The following ERC1 variants were observed in gnomAD, a reference collection of about 807,000 sequenced individuals.
The protein encoded by ERC1 is RAB6 interacting protein 2.
In ERC1, 56 loss-of-function variants were observed where a neutral mutation model predicts 132.0. The observed-to-expected ratio is 0.42, with a 90% CI of 0.34 to 0.53. The LOEUF is 0.53. Ranked by LOEUF, ERC1 falls within the 20% of genes least tolerant of loss-of-function variation. ERC1 has a pLI of 0.03. For synonymous variants in ERC1, 478 were observed against 476.1 expected (o/e 1.00, Z -0.05); for missense variants, 1,202 against 1,349.9 (o/e 0.89, Z 1.72).
chr12:1,267,396 G>A (rs1292581930), intron 14 of ERC1, among the ~76,000 whole-genome samples: 1 of 152,220 alleles, frequency 6.6e-6, no homozygotes, highest in African/African-American at 2.4e-5. Flanking sequence ...GGAGCAGTAT[G>A]CTTAGTTCAG....
intron 7 of ERC1, 70 bp from the exon 8 acceptor site, chr12:1,141,545 TATAAC>T: frequency 7.9e-7 from 1 of 1,261,394 alleles, no homozygotes; most frequent in Non-Finnish European, 1.1e-6. Flanking sequence ...TTATAACCTT[TATAAC>T]ATATCTATTT....
At chr12:1,431,445 G>T (rs2092794780) in intron 17 of ERC1, among the ~76,000 whole-genome samples, 1 of 152,180 alleles carries the variant, frequency 6.6e-6, no homozygotes, top group African/African-American at 2.4e-5. Flanking sequence ...GTTTTCTGGA[G>T]CTGAAACTAA....
intron 1 of ERC1, among the ~76,000 whole-genome samples, chr12:1,012,896 C>G (rs959013557): frequency 2.0e-5 from 3 of 152,136 alleles, no homozygotes; most frequent in Non-Finnish European, 4.4e-5. Flanking sequence ...GGAATGGTCC[C>G]TAATTTCTTC....
In ERC1 at chr12:1,104,673, A is replaced by T. The variant is rs528538952; in HGVS notation, c.1087-77A>T. The stretch of plus-strand genomic sequence containing the variant: ...AAGGCTGTAGTGATCTTTTGCATAC[A>T]TCGGCTCTCACTCCTCTTTGAAAAA... On this transcript the variant is annotated intron_variant, in intron 3 of 18. Coordinates refer to ENST00000360905, the MANE Select transcript of ERC1 (RefSeq NM_178040.4). 3.1e-6 allele frequency: 3 copies of T among 979,960 alleles called. No homozygotes were observed. In the East Asian group the frequency reaches 7.2e-5, roughly 23 times the overall value. 60.7% of individuals were successfully genotyped at this position (979,960 alleles called of 1,614,324 possible). A position where few individuals can be genotyped will look rare whatever the true frequency, so the allele number is the denominator to read the frequency against.
chr12:1,296,563 G>T (rs904384404), intron 15 of ERC1, among the ~76,000 whole-genome samples: 1 of 151,844 alleles, frequency 6.6e-6, no homozygotes, highest in African/African-American at 2.4e-5. Flanking sequence ...ACAGGCATGC[G>T]CCATCACAGC....
chr12:1,043,028 TTTTTC>T (rs201473080), intron 2 of ERC1, among the ~76,000 whole-genome samples: 16,065 of 149,388 alleles, frequency 0.11, 999 homozygotes, highest in Admixed American at 0.18. Context: ...TTTTTCTTTC[TTTTTC>T]TTTTCTTTTC....
chr12:1,416,834 C>A (rs1426070775), intron 17 of ERC1, among the ~76,000 whole-genome samples: 1 of 152,104 alleles, frequency 6.6e-6, no homozygotes, highest in African/African-American at 2.4e-5. Flanking sequence ...TAAAACAGAA[C>A]AATGCTTTTA....
chr12:1,196,909 C>CT, intron 12 of ERC1, among the ~76,000 whole-genome samples: 1 of 1,526 alleles, frequency 6.6e-4, no homozygotes, highest in Non-Finnish European at 1.4e-3. Context: ...TCTCTCTACA[C>CT]ACACACACAC....
At chr12:1,227,008 A>G (rs538364226) in intron 12 of ERC1, among the ~76,000 whole-genome samples, 5 of 152,220 alleles carry the variant, frequency 3.3e-5, no homozygotes, top group African/African-American at 7.2e-5. Flanking sequence ...TAAATATTCC[A>G]TTTGATTATA....
At chr12:1,123,025 C>T (rs1947755709) in intron 7 of ERC1, among the ~76,000 whole-genome samples, 1 of 152,102 alleles carries the variant, frequency 6.6e-6, no homozygotes, top group Non-Finnish European at 1.5e-5. Flanking sequence ...AACCACTCCC[C>T]CAGCTCCAGC....
intron 8 of ERC1, among the ~76,000 whole-genome samples, chr12:1,166,157 C>G (rs1051505306): frequency 1.6e-4 from 24 of 152,184 alleles, no homozygotes; most frequent in Admixed American, 1.1e-3. Flanking sequence ...CATATCTCAT[C>G]TTGAATTGTA....
At chr12:1,393,842 C>T (rs1242988028) in intron 16 of ERC1, among the ~76,000 whole-genome samples, 2 of 145,796 alleles carry the variant, frequency 1.4e-5, no homozygotes, top group Admixed American at 1.4e-4. Flanking sequence ...GGTGAAACCC[C>T]GTCTCTACTA....
At chr12:1,284,362 C>T (rs547753972) in intron 14 of ERC1, among the ~76,000 whole-genome samples, 36 of 147,352 alleles carry the variant, frequency 2.4e-4, no homozygotes, top group Non-Finnish European at 4.6e-4. Context: ...AGGTTGATTC[C>T]GTATTTTGGC....
intron 8 of ERC1, among the ~76,000 whole-genome samples, chr12:1,164,826 A>G (rs540450049): frequency 6.6e-5 from 10 of 152,172 alleles, no homozygotes; most frequent in Admixed American, 2.6e-4. Context: ...TCAAAGAGTG[A>G]GTTTTTTTTG....
At chr12:1,005,608 GC>G (rs929110968) in intron 1 of ERC1, among the ~76,000 whole-genome samples, 13 of 152,162 alleles carry the variant, frequency 8.5e-5, no homozygotes, top group Admixed American at 7.9e-4. Context: ...TTATAGTATT[GC>G]CAAGTTTCTG....
intron 17 of ERC1, among the ~76,000 whole-genome samples, chr12:1,422,383 A>C (rs942394449): frequency 1.3e-5 from 2 of 152,024 alleles, no homozygotes; most frequent in African/African-American, 4.8e-5. Flanking sequence ...AGTAATCACT[A>C]TTCTACTCTC....
chr12:1,141,284 C>G (rs868222168), intron 7 of ERC1, among the ~76,000 whole-genome samples: 1 of 152,184 alleles, frequency 6.6e-6, no homozygotes, highest in Middle Eastern at 3.4e-3. Context: ...CCCTTTTCCT[C>G]ATTTTAGATT....
chr12:1,083,326 G>A lies in ERC1; in HGVS notation c.832G>A (p.Ala278Thr), dbSNP rs1330395920. The A allele has an allele frequency of 6.2e-7, 1 of 1,614,168 alleles. No individual in the cohort carries two copies. The highest frequency in any genetic ancestry group is 2.2e-5 in the East Asian group (1 of 44,880). Residue 278 changes from alanine (A) to threonine (T), a missense_variant, in exon 3 of 19, where the codon GCC becomes ACC. Transcript: ENST00000360905. ...GCTTCATGCTGAGCATGAGCGGCAG[G>A]CCAAAGAGCTGTTTCTTCTTCGAAA... ...QRLHAEHERQAKELFLLRKTL... is the reference protein window; with the variant it reads ...QRLHAEHERQTKELFLLRKTL...
chr12:1,118,445 A>T (rs1946694891), intron 7 of ERC1, among the ~76,000 whole-genome samples: 1 of 152,152 alleles, frequency 6.6e-6, no homozygotes, highest in South Asian at 2.1e-4. Context: ...GATTGTATTT[A>T]TTGTCATTCA....
Sources: allele counts gnomAD v4.1 joint callset (sites outside exome capture counted in the v4.1 genomes callset), GRCh38; gene constraint gnomAD v4.1.1; transcripts MANE v1.5; gene names NCBI Gene and HGNC (gene_info 2026-07-23, HGNC 2026-07-21).